ZFYVE9: variants seen among roughly 807,000 people sequenced by gnomAD.
ZFYVE9 encodes the protein zinc finger FYVE domain-containing protein 9.
ZFYVE9 carries 43 observed loss-of-function variants against 126.7 expected under a neutral mutation model. That is an observed-to-expected ratio of 0.34 (90% confidence interval 0.27 to 0.44). The LOEUF is 0.44. ZFYVE9 is among the 20% of genes least tolerant of loss of function. The probability of loss-of-function intolerance (pLI) is 1.00; values close to 1 mark genes in which losing one functional copy is unlikely to be tolerated. For synonymous variants in ZFYVE9, 521 were observed against 597.4 expected (o/e 0.87, Z 1.87); for missense variants, 1,476 against 1,697.0 (o/e 0.87, Z 2.29).
chr1:52,196,946 T>C (rs1019435547), intron 1 of ZFYVE9, among the ~76,000 whole-genome samples: 2 of 152,186 alleles, frequency 1.3e-5, no homozygotes, highest in African/African-American at 4.8e-5. Flanking sequence ...GTAAGGAGTC[T>C]TGATATTATA....
At chr1:52,162,616 C>T (rs961578122) in intron 1 of ZFYVE9, 5 of 261,020 alleles carry the variant, frequency 1.9e-5, no homozygotes, top group South Asian at 1.3e-4. Flanking sequence ...GAACATACTT[C>T]ACGAAGATCT....
chr1:52,286,172 C>G (rs4926569), intron 10 of ZFYVE9, among the ~76,000 whole-genome samples: 1 of 149,150 alleles, frequency 6.7e-6, no homozygotes. Flanking sequence ...AAAAAAAAAA[C>G]GTATCGCAAT....
intron 9 of ZFYVE9, among the ~76,000 whole-genome samples, chr1:52,279,204 AGT>A (rs1290801040): frequency 1.3e-4 from 20 of 152,128 alleles, no homozygotes; most frequent in African/African-American, 4.8e-4. Flanking sequence ...AACTTATCTG[AGT>A]TAAGTTCTTC....
Position 52,268,565 on chromosome 1 carries a change from C to T in ZFYVE9, c.2558C>T (p.Ser853Phe), listed in dbSNP as rs1361005066. ...AAATTAACAATGAATGGAACTTCCT[C>T]TGCAGGAACCCTGGCTGTGTCACAC... Reference protein sequence around the residue: ...AAKLTMNGTSSAGTLAVSHDP... With the variant: ...AAKLTMNGTSFAGTLAVSHDP... Residue 853 changes from serine (S) to phenylalanine (F), a missense_variant, in exon 7 of 19, where the codon TCT becomes TTT. Around this residue, in one of 2 missense-constraint regions of ZFYVE9, gnomAD observed 669 missense variants for 902.4 expected, o/e 0.74. Transcript: ENST00000287727. The T allele has an allele frequency of 1.2e-6, 2 of 1,614,080 alleles. No homozygotes were observed. The highest frequency in any genetic ancestry group is 1.7e-6 in the Non-Finnish European group (2 of 1,180,034).
At chr1:52,267,359 A>G (rs980106550) in intron 6 of ZFYVE9, among the ~76,000 whole-genome samples, 3 of 152,226 alleles carry the variant, frequency 2.0e-5, no homozygotes, top group Admixed American at 6.5e-5. Context: ...TGATTATATC[A>G]TATGATAGGT....
intron 17 of ZFYVE9, among the ~76,000 whole-genome samples, chr1:52,341,654 G>A (rs965670842): frequency 6.6e-6 from 1 of 151,988 alleles, no homozygotes; most frequent in African/African-American, 2.4e-5. Context: ...AAAATTCTAC[G>A]ACTTCTGGCT....
chr1:52,275,652 A>G (rs1357875038), intron 8 of ZFYVE9, among the ~76,000 whole-genome samples: 1 of 152,118 alleles, frequency 6.6e-6, no homozygotes, highest in Non-Finnish European at 1.5e-5. Flanking sequence ...GTGAAATTTT[A>G]TTGCTGACAT....
At chr1:52,271,251 A>T (rs1645689179) in intron 7 of ZFYVE9, among the ~76,000 whole-genome samples, 2 of 152,192 alleles carry the variant, frequency 1.3e-5, no homozygotes, top group South Asian at 4.1e-4. Context: ...AGACAGGCTA[A>T]GCCACATTAT....
At chr1:52,292,014 C>T (rs1268359165) in intron 10 of ZFYVE9, among the ~76,000 whole-genome samples, 2 of 151,704 alleles carry the variant, frequency 1.3e-5, no homozygotes, top group African/African-American at 4.8e-5. Context: ...CACGGTGGCT[C>T]GCGCCTGTAA....
chr1:52,285,883 G>C (rs191003594), intron 10 of ZFYVE9, among the ~76,000 whole-genome samples: 1 of 152,166 alleles, frequency 6.6e-6, no homozygotes, highest in African/African-American at 2.4e-5. Context: ...GGCTGGGCAC[G>C]GTGGCTCATG....
chr1:52,162,913 C>G (rs762902071), intron 1 of ZFYVE9: 2 of 507,588 alleles, frequency 3.9e-6, no homozygotes, highest in Non-Finnish European at 7.5e-6. Flanking sequence ...TGAAGGACTA[C>G]GAGATCCTGA....
chr1:52,311,565 G>C (rs1427315223), intron 13 of ZFYVE9, among the ~76,000 whole-genome samples: 1 of 151,822 alleles, frequency 6.6e-6, no homozygotes, highest in African/African-American at 2.4e-5. Flanking sequence ...ACTCCCAGCT[G>C]GATTGATGTT....
chr1:52,178,058 T>A (rs1644656464), intron 1 of ZFYVE9, among the ~76,000 whole-genome samples: 1 of 151,062 alleles, frequency 6.6e-6, no homozygotes, highest in Admixed American at 6.6e-5. Context: ...GGCGGGTAGA[T>A]CACGAAGTCA....
At chr1:52,297,612 T>C (rs779684094) in intron 12 of ZFYVE9, among the ~76,000 whole-genome samples, 2 of 152,312 alleles carry the variant, frequency 1.3e-5, no homozygotes, top group East Asian at 1.9e-4. Context: ...AAGCCACTTA[T>C]ACAGCTTTTC....
chr1:52,331,782 T>A (rs974375112), intron 13 of ZFYVE9, among the ~76,000 whole-genome samples: 2 of 149,722 alleles, frequency 1.3e-5, no homozygotes, highest in Non-Finnish European at 3.0e-5. Context: ...TCTTTTTTTT[T>A]TTTTTATTTT....
At chr1:52,149,869 C>T (rs773807707) in intron 1 of ZFYVE9, among the ~76,000 whole-genome samples, 2 of 152,032 alleles carry the variant, frequency 1.3e-5, no homozygotes, top group Admixed American at 6.6e-5. Flanking sequence ...ATATAGTTTC[C>T]GTATAAAGTT....
At chr1:52,325,989 G>A (rs1646287807) in intron 13 of ZFYVE9, among the ~76,000 whole-genome samples, 1 of 152,202 alleles carries the variant, frequency 6.6e-6, no homozygotes, top group Non-Finnish European at 1.5e-5. Context: ...ATTTTTCCGG[G>A]ACTCCAAGGG....
intron 1 of ZFYVE9, among the ~76,000 whole-genome samples, chr1:52,203,548 T>A (rs961763810): frequency 1.3e-5 from 2 of 150,316 alleles, no homozygotes; most frequent in Non-Finnish European, 3.0e-5. Context: ...TATGTATAGG[T>A]TTTTTTTGGC....
chr1:52,340,083 A>C (rs771514232), intron 16 of ZFYVE9, 43 bp from the exon 17 acceptor site: 2 of 1,543,526 alleles, frequency 1.3e-6, no homozygotes, highest in African/African-American at 1.4e-5. Flanking sequence ...TGGCTTTTCT[A>C]ACTTCAAGAG....
Sources: allele counts gnomAD v4.1 joint callset (sites outside exome capture counted in the v4.1 genomes callset), GRCh38; gene constraint gnomAD v4.1.1; regional missense constraint gnomAD v4.1.1; transcripts MANE v1.5; gene names NCBI Gene and HGNC (gene_info 2026-07-23, HGNC 2026-07-21).